Variants in SEMA5B observed in about 807,000 individuals in gnomAD.
SEMA5B encodes semaphorin-5B.
SEMA5B carries 66 observed loss-of-function variants against 135.0 expected under a neutral mutation model. That is an observed-to-expected ratio of 0.49 (90% CI 0.40 to 0.60). The LOEUF is 0.60. Ranked by LOEUF, SEMA5B falls within the 20% of genes least tolerant of loss-of-function variation. SEMA5B has a pLI of 0.00. For synonymous variants in SEMA5B, 690 were observed against 639.5 expected (o/e 1.08, Z -1.19); for missense variants, 1,501 against 1,566.3 (o/e 0.96, Z 0.70).
chr3:122,969,486 G>A (rs1463090958), intron 1 of SEMA5B, among the ~76,000 whole-genome samples: 1 of 152,178 alleles, frequency 6.6e-6, no homozygotes. Flanking sequence ...GCTGTGTCCT[G>A]GATGCATTTT....
At chr3:122,995,619 T>C in intron 1 of SEMA5B, among the ~76,000 whole-genome samples, 1 of 151,632 alleles carries the variant, frequency 6.6e-6, no homozygotes, top group Non-Finnish European at 1.5e-5. Flanking sequence ...GGCCCTGGGG[T>C]TGAAAAGAAG....
chr3:122,911,350 C>A (rs990502274), intron 21 of SEMA5B, 141 bp downstream of exon 21: 1 of 1,544,240 alleles, frequency 6.5e-7, no homozygotes, highest in South Asian at 1.2e-5. Flanking sequence ...GCCCAGACCA[C>A]CCTACACACC....
At chr3:122,951,506 A>G (rs1377911576) in intron 2 of SEMA5B, among the ~76,000 whole-genome samples, 1 of 152,192 alleles carries the variant, frequency 6.6e-6, no homozygotes. Context: ...AAGCCCTAAC[A>G]TTTGTCTAAC....
intron 1 of SEMA5B, among the ~76,000 whole-genome samples, chr3:123,013,611 C>T (rs113625307): frequency 0.014 from 2,093 of 152,262 alleles, 52 homozygotes; most frequent in African/African-American, 0.047. Context: ...GTGTGGCTCC[C>T]GGCTTTTCCT....
chr3:122,942,349 A>G (rs1939596178), intron 4 of SEMA5B, among the ~76,000 whole-genome samples: 1 of 152,088 alleles, frequency 6.6e-6, no homozygotes, highest in South Asian at 2.1e-4. Context: ...AGGGGTGGAG[A>G]CACTAAAGAA....
intron 5 of SEMA5B, among the ~76,000 whole-genome samples, chr3:122,936,650 C>G (rs1252509211): frequency 1.3e-5 from 2 of 152,246 alleles, no homozygotes; most frequent in East Asian, 1.9e-4. Flanking sequence ...AACTCCAAGA[C>G]AGCTCATCAT....
At chr3:122,986,630 G>A (rs577806769) in intron 1 of SEMA5B, among the ~76,000 whole-genome samples, 3 of 139,514 alleles carry the variant, frequency 2.2e-5, no homozygotes, top group Non-Finnish European at 4.7e-5. Flanking sequence ...TGTGTGGTGT[G>A]TAAGTGTGCT....
chr3:122,928,613 C>T lies in SEMA5B; in HGVS notation c.540G>A (p.Glu180=), dbSNP rs769755018. The change falls in exon 7 of 23, where the codon GAG becomes GAA. Residue 180 remains glutamate, a splice_region_variant and synonymous_variant. Transcript: ENST00000357599. Reference sequence around the variant, plus strand: ...GGACTCGCACGTAGTTCTGACACTCCTCCTGAGGCAGGAAGGAAAGGAGCA... The same window carrying T: ...GGACTCGCACGTAGTTCTGACACTCTTCCTGAGGCAGGAAGGAAAGGAGCA... The part of the protein sequence containing the change: ...RSCQSKGKTE[E]ECQNYVRVLI... 38 of 1,553,434 alleles carry T rather than the reference C, an allele frequency of 2.4e-5. No individual in the cohort carries two copies. The highest frequency in any genetic ancestry group is 3.0e-5 in the Non-Finnish European group (35 of 1,147,802).
At position 122,988,267 on chromosome 3, in the gene SEMA5B, G is replaced by C. The variant is rs369640646; in HGVS notation, c.-38-26966C>G. On this transcript the variant is annotated intron_variant, in intron 1 of 22. Coordinates refer to ENST00000357599, the MANE Select transcript of SEMA5B (RefSeq NM_001031702.4). ...CTGAGGCGATAGGGTTTTAATGGCA[G>C]AGCCAGGAACTCACAGCCAGGTTTC... Among the ~76,000 whole-genome samples, 14 of 152,356 alleles carry C rather than the reference G, an allele frequency of 9.2e-5. 1 individual carries two copies. In the East Asian group the frequency reaches 1.2e-3, roughly 13 times the overall value.
At position 122,974,103 on chromosome 3, in the gene SEMA5B, C is replaced by G. The variant is rs992913847; in HGVS notation, c.-38-12802G>C. ...GAGAGAGAGCCCAGGCACACCACCCCCCATCTGCTCCCGCCATGTGACACA... is the reference window on the plus strand; with the variant it reads ...GAGAGAGAGCCCAGGCACACCACCCGCCATCTGCTCCCGCCATGTGACACA... On this transcript the variant is annotated intron_variant, in intron 1 of 22. Coordinates refer to ENST00000357599, the MANE Select transcript of SEMA5B (RefSeq NM_001031702.4). Among the ~76,000 whole-genome samples the G allele has an allele frequency of 2.6e-5, 4 of 152,226 alleles. No homozygotes were observed. In the East Asian group the frequency reaches 7.7e-4, roughly 29 times the overall value.
intron 2 of SEMA5B, among the ~76,000 whole-genome samples, chr3:122,956,033 C>T (rs1467011832): frequency 6.6e-6 from 1 of 152,226 alleles, no homozygotes; most frequent in East Asian, 1.9e-4. Context: ...GACAGCGACC[C>T]ATGGCCCCGG....
chr3:122,978,120 A>C (rs375338646), intron 1 of SEMA5B, among the ~76,000 whole-genome samples: 7 of 152,232 alleles, frequency 4.6e-5, no homozygotes, highest in Admixed American at 2.6e-4. Context: ...CTGACGCAGG[A>C]GACAGAATTA....
chr3:122,991,848 G>T (rs1462038652), intron 1 of SEMA5B, among the ~76,000 whole-genome samples: 1 of 152,278 alleles, frequency 6.6e-6, no homozygotes, highest in East Asian at 1.9e-4. Context: ...ATGAGACTTA[G>T]GGAGATATAA....
chr3:123,006,688 G>T (rs1421535189), intron 1 of SEMA5B, among the ~76,000 whole-genome samples: 1 of 152,106 alleles, frequency 6.6e-6, no homozygotes, highest in African/African-American at 2.4e-5. Flanking sequence ...ATGGCAATTG[G>T]GCTTTTTTAA....
chr3:122,966,703 C>T (rs753576662), intron 1 of SEMA5B, among the ~76,000 whole-genome samples: 29 of 150,396 alleles, frequency 1.9e-4, no homozygotes, highest in Admixed American at 5.9e-4. Flanking sequence ...TACAGGCCCC[C>T]GCCACCGCGC....
At chr3:123,021,124 A>G (rs931776174) in intron 1 of SEMA5B, among the ~76,000 whole-genome samples, 1 of 152,192 alleles carries the variant, frequency 6.6e-6, no homozygotes, top group Non-Finnish European at 1.5e-5. Flanking sequence ...GATGCCAAAC[A>G]CTGAAAGTCC....
chr3:122,911,196 G>C, intron 21 of SEMA5B, 151 bp from the exon 22 acceptor site: 1 of 1,013,484 alleles, frequency 9.9e-7, no homozygotes, highest in Non-Finnish European at 1.4e-6. Flanking sequence ...AGGGAGGCTG[G>C]GGAGGCTGTC....
intron 1 of SEMA5B, among the ~76,000 whole-genome samples, chr3:123,023,073 T>C (rs1446307109): frequency 6.6e-6 from 1 of 152,128 alleles, no homozygotes; most frequent in African/African-American, 2.4e-5. Context: ...GAGGGGGGTT[T>C]GCAAAAGTAT....
chr3:122,956,698 G>C (rs921086994), intron 2 of SEMA5B, among the ~76,000 whole-genome samples: 1 of 152,050 alleles, frequency 6.6e-6, no homozygotes, highest in African/African-American at 2.4e-5. Context: ...GGATCGCCCA[G>C]ACCACCCCGG....
Sources: gnomAD v4.1 joint callset for allele counts (sites outside exome capture counted in the v4.1 genomes callset) on GRCh38, gnomAD v4.1.1 for gene constraint, MANE v1.5 for transcripts, NCBI Gene and HGNC (gene_info 2026-07-23, HGNC 2026-07-21) for gene names.